Variants in PKD1L1 observed in about 807,000 individuals in gnomAD.
PKD1L1 encodes polycystin 1 like 1, transient receptor potential channel interacting, also known as polycystin-1-like protein 1.
A neutral mutation model predicts 323.4 loss-of-function variants in PKD1L1; 236 were observed. That is an observed-to-expected ratio of 0.73 (90% CI 0.66 to 0.81). The LOEUF is 0.81. Among genes scored for constraint, PKD1L1 ranks in the 40% least tolerant of loss-of-function variants. The pLI is 0.00. For synonymous variants in PKD1L1, 1,344 were observed against 1,335.0 expected (o/e 1.01, Z -0.15); for missense variants, 3,320 against 3,508.0 (o/e 0.95, Z 1.35).
At position 47,905,973 on chromosome 7, in the gene PKD1L1, A is replaced by C; in HGVS notation, c.1403-11T>G. 1 of 1,570,800 alleles carries C rather than the reference A, an allele frequency of 6.4e-7. No homozygotes were observed. ...GTATAACCACAGTGCCTAAAATGAGAAAAAAAGGAGATAAGAGAAAAAGTC... is the reference window on the plus strand; with the variant it reads ...GTATAACCACAGTGCCTAAAATGAGCAAAAAAGGAGATAAGAGAAAAAGTC... On this transcript the variant is annotated splice_polypyrimidine_tract_variant and intron_variant, in intron 9 of 56. Coordinates refer to ENST00000289672, the MANE Select transcript of PKD1L1 (RefSeq NM_138295.5).
chr7:47,949,561 G>A (rs148750215), upstream of PKD1L1, among the ~76,000 whole-genome samples: 147 of 152,006 alleles, frequency 9.7e-4, 1 homozygote, highest in East Asian at 0.015. Context: ...TGCAACTGGC[G>A]GGTCAGACTG....
intron 11 of PKD1L1, 66 bp downstream of exon 11, chr7:47,905,091 G>C: frequency 6.6e-7 from 1 of 1,520,162 alleles, no homozygotes; most frequent in Non-Finnish European, 8.9e-7. Context: ...GCAGCATGGT[G>C]ATCTTCAGAC....
At chr7:47,813,321 C>T (rs201841318) in intron 48 of PKD1L1, 28 bp from the exon 49 acceptor site, 2 of 1,612,042 alleles carry the variant, frequency 1.2e-6, no homozygotes, top group Non-Finnish European at 1.7e-6. Context: ...AGTCAGAAGA[C>T]ACAGATACTA....
In PKD1L1 at chr7:47,946,553, A is replaced by G. The variant is rs1328686529; in HGVS notation, c.44+1844T>C. On this transcript the variant is annotated intron_variant, in intron 1 of 56. Coordinates refer to ENST00000289672, the MANE Select transcript of PKD1L1 (RefSeq NM_138295.5). The surrounding 1 kb of genome is among the most constrained non-coding windows in gnomAD (Gnocchi z 4.1). ...CACACCAACACATTACACACACATC[A>G]CACAGCACACACCATGTATCACACA... is the stretch of plus-strand genomic sequence containing the variant. 6.6e-6 allele frequency among the ~76,000 whole-genome samples: 1 copy of G among 150,894 alleles called. No individual in the cohort carries two copies. Among genetic ancestry groups the G allele is most frequent in the Non-Finnish European group, 1.5e-5 (1 of 67,706 alleles).
chr7:47,877,418 C>T (rs367631859), intron 22 of PKD1L1, 71 bp downstream of exon 22: 2 of 1,575,166 alleles, frequency 1.3e-6, no homozygotes, highest in Admixed American at 1.7e-5. Context: ...CCTACAGCAC[C>T]CGTGACTGCT....
rs770909381 is a variant in PKD1L1 at position 47,847,030 on chromosome 7, C to T, written c.5002G>A (p.Asp1668Asn). The change falls in exon 32 of 57, where the codon GAC becomes AAC. Residue 1668 changes from aspartate to asparagine, a missense_variant. Transcript: ENST00000289672. ...GYLSLLDADY[D>N]RKPPNRYLAK... ...AAATATCTGTTTGGAGGTTTTCTGT[C>T]ATAGTCAGCATCCAATAAGGATAAA... 1.2e-6 allele frequency: 2 copies of T among 1,607,526 alleles called. No homozygotes were observed. The highest frequency in any genetic ancestry group is 1.7e-4 in the Middle Eastern group (1 of 6,040).
At position 47,905,972 on chromosome 7, in the gene PKD1L1, G is replaced by GA. The variant is rs369959645; in HGVS notation, c.1403-11dup. ...TGTATAACCACAGTGCCTAAAATGA[G>GA]AAAAAAAGGAGATAAGAGAAAAAGT... On this transcript the variant is annotated splice_polypyrimidine_tract_variant and intron_variant, in intron 9 of 56. Coordinates refer to ENST00000289672, the MANE Select transcript of PKD1L1 (RefSeq NM_138295.5). 1.3e-6 allele frequency: 2 copies of GA among 1,566,178 alleles called. No individual in the cohort carries two copies. Among genetic ancestry groups the GA allele is most frequent in the South Asian group, 1.2e-5 (1 of 83,964 alleles).
Position 47,946,235 on chromosome 7 carries a change from G to C in PKD1L1, c.44+2162C>G, listed in dbSNP as rs1436747200. 1.3e-5 allele frequency among the ~76,000 whole-genome samples: 2 copies of C among 152,066 alleles called. No individual in the cohort carries two copies. Among genetic ancestry groups the C allele is most frequent in the Non-Finnish European group, 2.9e-5 (2 of 68,020 alleles). On this transcript the variant is annotated intron_variant, in intron 1 of 56. Transcript: ENST00000289672. The surrounding 1 kb of genome is among the most constrained non-coding windows in gnomAD (Gnocchi z 4.1). The stretch of plus-strand genomic sequence containing the variant: ...CATGTGCCTCAAGGGAACTAGTCGA[G>C]CCATTTGTTTGAATTACATGACAGA...
intron 8 of PKD1L1, among the ~76,000 whole-genome samples, chr7:47,909,010 G>A (rs573417796): frequency 2.6e-5 from 4 of 152,314 alleles, no homozygotes; most frequent in African/African-American, 9.6e-5. Context: ...AGATCTGTGA[G>A]TGAGCCCCTC....
At chr7:47,807,145 C>T (rs371666154) in intron 52 of PKD1L1, among the ~76,000 whole-genome samples, 2 of 152,238 alleles carry the variant, frequency 1.3e-5, no homozygotes, top group African/African-American at 4.8e-5. Context: ...TGCGAGTGTT[C>T]TGTCTCATCA....
chr7:47,833,863 C>T (rs1410239164), intron 40 of PKD1L1, among the ~76,000 whole-genome samples: 3 of 152,186 alleles, frequency 2.0e-5, no homozygotes, highest in Non-Finnish European at 4.4e-5. Context: ...CCAACTGCCC[C>T]GTGTCACAGG....
chr7:47,908,147 C>G lies in PKD1L1; in HGVS notation c.1332G>C (p.Ala444=). ...CATGGACACTGCTGGAGTTCATGAA[C>G]GCAGACACGGCCTCATGGCCAATCT... ...YVEIGHEAVS[A]FMNSSSVHED... is the part of the protein sequence containing the mutation. The change falls in exon 9 of 57, where the codon GCG becomes GCC. Residue 444 remains alanine, a synonymous_variant. Transcript: ENST00000289672. 1 of 1,614,178 alleles carries G rather than the reference C, an allele frequency of 6.2e-7. No individual in the cohort carries two copies. Among genetic ancestry groups the G allele is most frequent in the Non-Finnish European group, 8.5e-7 (1 of 1,180,030 alleles).
rs748066389 is a variant in PKD1L1 at position 47,929,481 on chromosome 7, C to T, written c.783G>A (p.Thr261=). 1.7e-5 allele frequency: 27 copies of T among 1,613,988 alleles called. No homozygotes were observed. The South Asian group carries it at 2.0e-4, about 12-fold the overall frequency. The change falls in exon 7 of 57, where the codon ACG becomes ACA. Residue 261 remains threonine (T), a synonymous_variant. Coordinates refer to ENST00000289672, the MANE Select transcript of PKD1L1 (RefSeq NM_138295.5). Reference sequence around the variant, plus strand: ...GGATCTCAGAACCAGACTGCGATGCCGTGAAGCTGGGGGTGCGAGGAATGC... The same window carrying T: ...GGATCTCAGAACCAGACTGCGATGCTGTGAAGCTGGGGGTGCGAGGAATGC... ...PPGIPRTPSF[T]ASQSGSEILY...
At chr7:47,937,253 T>TGG (rs1787886392) in intron 3 of PKD1L1, among the ~76,000 whole-genome samples, 9 of 2,472 alleles carry the variant, frequency 3.6e-3, no homozygotes, top group African/African-American at 7.0e-3. Context: ...CGGGACGGGG[T>TGG]GGGGGTGGGG....
intron 33 of PKD1L1, among the ~76,000 whole-genome samples, chr7:47,844,406 T>C (rs370895686): frequency 2.0e-4 from 30 of 152,314 alleles, no homozygotes; most frequent in African/African-American, 7.2e-4. Flanking sequence ...ATTCAGCAAA[T>C]ATTTACTCTA....
chr7:47,816,455 A>C (rs1388442915), intron 46 of PKD1L1, among the ~76,000 whole-genome samples: 1 of 152,166 alleles, frequency 6.6e-6, no homozygotes, highest in East Asian at 1.9e-4. Flanking sequence ...CTACAGCCAG[A>C]GGCAAAAGGA....
At chr7:47,865,564 A>G (rs1354111642) in intron 25 of PKD1L1, among the ~76,000 whole-genome samples, 2 of 78,710 alleles carry the variant, frequency 2.5e-5, no homozygotes, top group Non-Finnish European at 2.5e-5. Flanking sequence ...GCAACAATTT[A>G]TTTATTATTT....
At chr7:47,948,501 T>C, upstream of PKD1L1, 1 of 1,533,406 alleles carries the variant, frequency 6.5e-7, no homozygotes, top group South Asian at 1.1e-5. Context: ...CTACATCCTC[T>C]GGAAGACAAA....
chr7:47,877,831 C>A (rs1419212088), intron 21 of PKD1L1, among the ~76,000 whole-genome samples, 200 bp from the exon 22 acceptor site: 3 of 152,146 alleles, frequency 2.0e-5, no homozygotes, highest in African/African-American at 7.2e-5. Flanking sequence ...GAAACTGAGA[C>A]TCAGTGATAG....
Sources: allele counts gnomAD v4.1 joint callset (sites outside exome capture counted in the v4.1 genomes callset), GRCh38; gene constraint gnomAD v4.1.1; non-coding constraint Gnocchi (gnomAD v3.1); transcripts MANE v1.5; gene names NCBI Gene and HGNC (gene_info 2026-07-23, HGNC 2026-07-21).